GAPT: variants seen among roughly 807,000 people sequenced by gnomAD.
GAPT encodes GRB2 binding adaptor protein, transmembrane, also known as protein GAPT.
For synonymous variants in GAPT, 82 were observed against 69.7 expected, an observed-to-expected ratio of 1.18 and a Z score of -0.88; for missense variants, 206 against 189.2, an observed-to-expected ratio of 1.09 and a Z score of -0.52.
chr5:58,495,733 C>T lies in GAPT; in HGVS notation c.*723C>T, dbSNP rs1190118631. ...TTGTCATAGGCTCCTAACTGTTCCT[C>T]CTGCTTCTAGTTTCTACCCACTCAA... On this transcript the variant is annotated 3_prime_UTR_variant, in exon 3 of 3. Coordinates refer to ENST00000502276, the MANE Select transcript of GAPT (RefSeq NM_001304431.2). The T allele has an allele frequency of 6.0e-6, 1 of 165,796 alleles. No individual in the cohort carries two copies. Among genetic ancestry groups the T allele is most frequent in the Non-Finnish European group, 1.5e-5 (1 of 68,108 alleles). 10.3% of individuals were successfully genotyped at this position (165,796 alleles called of 1,614,324 possible).
chr5:58,494,687 A>T lies in GAPT; in HGVS notation c.151A>T (p.Ser51Cys), dbSNP rs1198411047. The T allele has an allele frequency of 6.2e-7, 1 of 1,613,898 alleles. No individual in the cohort carries two copies. The highest frequency in any genetic ancestry group is 2.2e-5 in the East Asian group (1 of 44,874). The change falls in exon 3 of 3, where the codon AGC becomes TGC. Residue 51 changes from serine (S) to cysteine (C), a missense_variant. By Grantham distance (112) the Ser-to-Cys change is moderately radical. Coordinates refer to ENST00000502276, the MANE Select transcript of GAPT (RefSeq NM_001304431.2). ...FTLPRFLQRR[S>C]SRRKVCTKTF... is the part of the protein sequence containing the mutation. ...CTTACCGAGGTTTTTACAAAGGAGAAGCAGCAGGAGAAAAGTCTGTACTAA... is the reference window on the plus strand; with the variant it reads ...CTTACCGAGGTTTTTACAAAGGAGATGCAGCAGGAGAAAAGTCTGTACTAA...
In GAPT at chr5:58,494,701, A is replaced by G. The variant is rs1308952221; in HGVS notation, c.165A>G (p.Lys55=). ...TACAAAGGAGAAGCAGCAGGAGAAA[A>G]GTCTGTACTAAAACATTCTTGGGCC... ...RFLQRRSSRR[K]VCTKTFLGPR... The change falls in exon 3 of 3, where the codon AAA becomes AAG. Residue 55 remains lysine (K), a synonymous_variant. Transcript: ENST00000502276. The G allele has an allele frequency of 3.7e-6, 6 of 1,614,030 alleles. No individual in the cohort carries two copies. The Admixed American group carries it at 8.3e-5, about 22-fold the overall frequency.
In GAPT at chr5:58,496,969, C is replaced by G. The variant is rs1254342537; in HGVS notation, c.*1959C>G. ...GGGCTCCTCCTCTGAGGTCTGGTAA[C>G]TCTCAGCCAAGATTGTTACAGTTAC... On this transcript the variant is annotated 3_prime_UTR_variant, in exon 3 of 3. Coordinates refer to ENST00000502276, the MANE Select transcript of GAPT (RefSeq NM_001304431.2). The G allele has an allele frequency of 6.0e-6, 1 of 167,088 alleles. No homozygotes were observed. The highest frequency in any genetic ancestry group is 2.4e-5 in the African/African-American group (1 of 41,448). 10.4% of individuals were successfully genotyped at this position (167,088 alleles called of 1,614,324 possible).
Position 58,494,360 on chromosome 5 carries a change from C to T in GAPT, c.-177C>T. ...GCCATCTTCCAGAAATAAGTTTATA[C>T]ACTCTCTCCTCTAATTGCATCAGGA... On this transcript the variant is annotated 5_prime_UTR_variant, in exon 3 of 3. Transcript: ENST00000502276. The T allele has an allele frequency of 1.8e-6, 1 of 562,098 alleles. No individual in the cohort carries two copies. The highest frequency in any genetic ancestry group is 3.1e-6 in the Non-Finnish European group (1 of 319,616). The allele number at this position is 562,098 out of a possible 1,614,324, so 34.8% of individuals were successfully genotyped here.
At chr5:58,491,952 T>C (rs1422202157) in intron 1 of GAPT, among the ~76,000 whole-genome samples, 1 of 152,228 alleles carries the variant, frequency 6.6e-6, no homozygotes, top group Non-Finnish European at 1.5e-5. Context: ...TGTTTTTCAT[T>C]ATAGTAGGTC....
chr5:58,496,677 G>A lies in GAPT; in HGVS notation c.*1667G>A, dbSNP rs565648857. On this transcript the variant is annotated 3_prime_UTR_variant, in exon 3 of 3. Coordinates refer to ENST00000502276, the MANE Select transcript of GAPT (RefSeq NM_001304431.2). Reference sequence around the variant, plus strand: ...TAAGGAAGACCGAAAGGCAGTAGGAGGCAACAGGGAATTGCTCCTGCCTAT... The same window carrying A: ...TAAGGAAGACCGAAAGGCAGTAGGAAGCAACAGGGAATTGCTCCTGCCTAT... 19 of 167,188 alleles carry A rather than the reference G, an allele frequency of 1.1e-4. No individual in the cohort carries two copies. The East Asian group carries it at 3.7e-3, about 32-fold the overall frequency. 10.4% of individuals were successfully genotyped at this position (167,188 alleles called of 1,614,324 possible).
chr5:58,495,047 A>T lies in GAPT; in HGVS notation c.*37A>T. ...ATTGACTTTTGTTATTGGATGATAA[A>T]TATTCACTGTAATTTTTCAACAGCA... On this transcript the variant is annotated 3_prime_UTR_variant, in exon 3 of 3. Transcript: ENST00000502276. The T allele has an allele frequency of 2.3e-6, 3 of 1,326,220 alleles. No individual in the cohort carries two copies. Among genetic ancestry groups the T allele is most frequent in the Non-Finnish European group, 3.2e-6 (3 of 947,950 alleles). The allele number at this position is 1,326,220 out of a possible 1,614,324, so 82.2% of individuals were successfully genotyped here.
At chr5:58,493,460 A>T (rs553444605) in intron 1 of GAPT, among the ~76,000 whole-genome samples, 1 of 152,342 alleles carries the variant, frequency 6.6e-6, no homozygotes, top group South Asian at 2.1e-4. Flanking sequence ...TTGAAAATAC[A>T]TTGGTTTACT....
chr5:58,491,657 C>T (rs755432365), intron 1 of GAPT, 116 bp downstream of exon 1: 6 of 152,086 alleles, frequency 3.9e-5, no homozygotes, highest in Admixed American at 3.9e-4. Flanking sequence ...AAATGCCTTA[C>T]GTAGCTGTAA....
intron 1 of GAPT, chr5:58,493,486 C>A (rs773234231): frequency 6.6e-6 from 1 of 152,144 alleles, no homozygotes; most frequent in Non-Finnish European, 1.5e-5. Flanking sequence ...GATCTCATTT[C>A]ATGTTTTAAG....
Position 58,494,588 on chromosome 5 carries a change from CT to C in GAPT, c.54del (p.Leu19PhefsTer4). Reference protein sequence around the residue: ...NLAAISVGISLLLLLVVCGIG... With the variant: ...NLAAISVGISXLLLLVVCGIG... ...AGCGGCCATTTCTGTAGGAATTTCG[CT>C]TCTTTTACTCTTAGTGGTTTGTGGA... On this transcript the variant is annotated frameshift_variant, in exon 3 of 3. Coordinates refer to ENST00000502276, the MANE Select transcript of GAPT (RefSeq NM_001304431.2). LOFTEE classifies it low-confidence loss of function (END_TRUNC). The C allele has an allele frequency of 1.2e-6, 2 of 1,612,436 alleles. No individual in the cohort carries two copies.
chr5:58,491,635 GT>G (rs1370294421), intron 1 of GAPT, 94 bp downstream of exon 1: 1 of 152,116 alleles, frequency 6.6e-6, no homozygotes. Flanking sequence ...TCTTACTACA[GT>G]TTTTAGAAAA....
At position 58,495,222 on chromosome 5, in the gene GAPT, A is replaced by C. The variant is rs1361827064; in HGVS notation, c.*212A>C. 5.9e-6 allele frequency: 3 copies of C among 504,936 alleles called. No individual in the cohort carries two copies. Among genetic ancestry groups the C allele is most frequent in the Non-Finnish European group, 1.1e-5 (3 of 284,902 alleles). The allele number at this position is 504,936 out of a possible 1,614,324, so 31.3% of individuals were successfully genotyped here. A position where few individuals can be genotyped will look rare whatever the true frequency, so the allele number is the denominator to read the frequency against. The stretch of plus-strand genomic sequence containing the variant: ...CAAATACCACATATTCTCACTTAAA[A>C]GTGGGAGCTAAATAATAAGAACACA... On this transcript the variant is annotated 3_prime_UTR_variant, in exon 3 of 3. Coordinates refer to ENST00000502276, the MANE Select transcript of GAPT (RefSeq NM_001304431.2).
chr5:58,493,301 T>C (rs180816042), intron 1 of GAPT, among the ~76,000 whole-genome samples: 69 of 152,322 alleles, frequency 4.5e-4, no homozygotes, highest in African/African-American at 1.6e-3. Flanking sequence ...GTTTTGTTGA[T>C]AAAATCACAA....
At position 58,495,821 on chromosome 5, in the gene GAPT, C is replaced by A. The variant is rs924628215; in HGVS notation, c.*811C>A. The stretch of plus-strand genomic sequence containing the variant: ...AATATTCCTAACAGCCACATTATTT[C>A]TTTCACTTAAAATGTTTTAATGCCC... On this transcript the variant is annotated 3_prime_UTR_variant, in exon 3 of 3. Transcript: ENST00000502276. 3.6e-5 allele frequency: 6 copies of A among 166,662 alleles called. No homozygotes were observed. Among genetic ancestry groups the A allele is most frequent in the Non-Finnish European group, 8.8e-5 (6 of 68,092 alleles). The allele number at this position is 166,662 out of a possible 1,614,324, so 10.3% of individuals were successfully genotyped here. A position where few individuals can be genotyped will look rare whatever the true frequency, so the allele number is the denominator to read the frequency against.
rs1744391768 is a variant in GAPT, at chr5:58,494,760, T to C, written c.224T>C (p.Val75Ala). ...ATTGGCTTAAGGCATGAAATCTCAG[T>C]TGAAACCCAAGACCACAAATCTGCT... The part of the protein sequence containing the change: ...RIIGLRHEIS[V>A]ETQDHKSAVR... The change falls in exon 3 of 3, where the codon GTT (valine) becomes GCT (alanine). Residue 75 changes from valine (V) to alanine (A), a missense_variant. Val to Ala is a moderately conservative substitution (Grantham distance 64). Coordinates refer to ENST00000502276, the MANE Select transcript of GAPT (RefSeq NM_001304431.2). 1.2e-6 allele frequency: 2 copies of C among 1,613,924 alleles called. No homozygotes were observed. Among genetic ancestry groups the C allele is most frequent in the Admixed American group, 1.7e-5 (1 of 59,926 alleles).
intron 1 of GAPT, 121 bp downstream of exon 1, chr5:58,491,662 C>G (rs1005835141): frequency 6.6e-6 from 1 of 152,152 alleles, no homozygotes; most frequent in African/African-American, 2.4e-5. Flanking sequence ...CCTTACGTAG[C>G]TGTAAGGGGG....
rs1744415572 is a variant in GAPT at position 58,495,236 on chromosome 5, A to T, written c.*226A>T. 1 of 474,662 alleles carries T rather than the reference A, an allele frequency of 2.1e-6. No individual in the cohort carries two copies. Among genetic ancestry groups the T allele is most frequent in the African/African-American group, 2.0e-5 (1 of 51,040 alleles). The allele number at this position is 474,662 out of a possible 1,614,324, so 29.4% of individuals were successfully genotyped here. On this transcript the variant is annotated 3_prime_UTR_variant, in exon 3 of 3. Transcript: ENST00000502276. ...TCTCACTTAAAAGTGGGAGCTAAAT[A>T]ATAAGAACACATGGAGAGAAGGAGA...
chr5:58,493,492 T>G lies in GAPT; in HGVS notation c.-418-219T>G, dbSNP rs542175243. The G allele has an allele frequency of 2.6e-5, 4 of 152,338 alleles. No homozygotes were observed. The South Asian group carries it at 8.3e-4, about 32-fold the overall frequency. 9.4% of individuals were successfully genotyped at this position (152,338 alleles called of 1,614,324 possible). The stretch of plus-strand genomic sequence containing the variant: ...TACTTTAAAGATCTCATTTCATGTT[T>G]TAAGTATAAACTACACCCTTGAGTT... On this transcript the variant is annotated intron_variant, in intron 1 of 2. Coordinates refer to ENST00000502276, the MANE Select transcript of GAPT (RefSeq NM_001304431.2).
Sources: gnomAD v4.1 joint callset for allele counts (sites outside exome capture counted in the v4.1 genomes callset) on GRCh38, gnomAD v4.1.1 for gene constraint, MANE v1.5 for transcripts, NCBI Gene and HGNC (gene_info 2026-07-23, HGNC 2026-07-21) for gene names.